ABCB5: variants seen among roughly 807,000 people sequenced by gnomAD.
ABCB5 encodes ATP-binding cassette sub-family B member 5.
ABCB5 carries 155 observed loss-of-function variants against 144.2 expected under a neutral mutation model. That is an observed-to-expected ratio of 1.08 (90% confidence interval 0.94 to 1.23). ABCB5 has a LOEUF of 1.23. Ranked by LOEUF, ABCB5 falls within the 50% of genes most tolerant of loss-of-function variation. The pLI, the probability that ABCB5 is intolerant of heterozygous loss-of-function variation, is 0.00. For missense variants in ABCB5, 1,830 were observed against 1,520.8 expected, an observed-to-expected ratio of 1.20 and a Z score of -3.38; for synonymous variants, 610 against 528.6, an observed-to-expected ratio of 1.15 and a Z score of -2.11.
At chr7:20,721,729 A>C (rs1258590512) in intron 20 of ABCB5, among the ~76,000 whole-genome samples, 1 of 152,256 alleles carries the variant, frequency 6.6e-6, no homozygotes, top group Non-Finnish European at 1.5e-5. Flanking sequence ...AAAATATACA[A>C]AAATCTCATT....
At chr7:20,653,155 G>A (rs867343324) in intron 13 of ABCB5, among the ~76,000 whole-genome samples, 1 of 152,162 alleles carries the variant, frequency 6.6e-6, no homozygotes, top group African/African-American at 2.4e-5. Flanking sequence ...GGAGCTTTCT[G>A]ATGCCTCTTA....
chr7:20,724,446 A>G (rs1355161558), intron 21 of ABCB5, among the ~76,000 whole-genome samples: 4 of 151,748 alleles, frequency 2.6e-5, no homozygotes, highest in African/African-American at 9.7e-5. Flanking sequence ...TGGCCAACAT[A>G]ATGAAACCCC....
At chr7:20,659,284 A>C in intron 14 of ABCB5, 1 of 1,462,348 alleles carries the variant, frequency 6.8e-7, no homozygotes, top group South Asian at 1.4e-5. Context: ...ATGAAAAACC[A>C]TTGAACAGTT....
At chr7:20,670,145 T>C (rs973712251) in intron 14 of ABCB5, among the ~76,000 whole-genome samples, 1 of 152,210 alleles carries the variant, frequency 6.6e-6, no homozygotes, top group Non-Finnish European at 1.5e-5. Flanking sequence ...GGCGACATGA[T>C]GACAAAATGT....
At chr7:20,716,837 C>T (rs1781688533) in intron 20 of ABCB5, among the ~76,000 whole-genome samples, 1 of 152,140 alleles carries the variant, frequency 6.6e-6, no homozygotes, top group East Asian at 1.9e-4. Flanking sequence ...GGGCTGAACC[C>T]TACAGCCTGT....
intron 14 of ABCB5, chr7:20,659,214 T>C: frequency 6.3e-7 from 1 of 1,594,682 alleles, no homozygotes; most frequent in Non-Finnish European, 8.5e-7. Context: ...CAAGGCCATA[T>C]GCAGTTGTGG....
chr7:20,728,925 T>C (rs1055034169), intron 23 of ABCB5, among the ~76,000 whole-genome samples: 1 of 152,202 alleles, frequency 6.6e-6, no homozygotes, highest in African/African-American at 2.4e-5. Flanking sequence ...AATATACACA[T>C]ATTTTTAAAT....
chr7:20,635,400 T>G (rs1481247265), intron 5 of ABCB5, among the ~76,000 whole-genome samples: 5 of 144,958 alleles, frequency 3.4e-5, no homozygotes, highest in African/African-American at 1.3e-4. Flanking sequence ...TTTTTTTTTT[T>G]GGTTGCATAT....
chr7:20,643,123 ATG>A, intron 5 of ABCB5, 59 bp from the exon 6 acceptor site: 1 of 1,397,064 alleles, frequency 7.2e-7, no homozygotes, highest in Non-Finnish European at 9.8e-7. Context: ...TCGATTTTTT[ATG>A]TGTGTAACAA....
intron 26 of ABCB5, among the ~76,000 whole-genome samples, chr7:20,752,754 G>A (rs2128057987): frequency 6.6e-6 from 1 of 152,298 alleles, no homozygotes; most frequent in African/African-American, 2.4e-5. Flanking sequence ...GGCTGAGGCA[G>A]AGAATCGCTT....
rs1488100582 is a variant in ABCB5, at chr7:20,628,558, T to C, written c.109-130T>C. 9 of 848,386 alleles carry C rather than the reference T, an allele frequency of 1.1e-5. No individual in the cohort carries two copies. The Admixed American group carries it at 1.5e-4, about 14-fold the overall frequency. 52.6% of individuals were successfully genotyped at this position (848,386 alleles called of 1,614,324 possible). ...ACATATCTATGATTTTATGCACTTA[T>C]TTACCATCTTAATGTATAAAGTCAT... On this transcript the variant is annotated intron_variant, in intron 3 of 27. Coordinates refer to ENST00000404938, the MANE Select transcript of ABCB5 (RefSeq NM_001163941.2).
intron 14 of ABCB5, chr7:20,666,778 A>T: frequency 1.3e-6 from 2 of 1,597,130 alleles, no homozygotes; most frequent in Non-Finnish European, 1.7e-6. Context: ...TACAACAAAG[A>T]CGTATTGATA....
At chr7:20,749,435 A>C (rs1583469376) in intron 26 of ABCB5, among the ~76,000 whole-genome samples, 1 of 89,438 alleles carries the variant, frequency 1.1e-5, no homozygotes, top group Non-Finnish European at 2.1e-5. Context: ...ATGGGGTTTC[A>C]CCATGTTGCC....
Position 20,756,251 on chromosome 7 carries a change from C to T in ABCB5, c.*627C>T, listed in dbSNP as rs1783083667. On this transcript the variant is annotated 3_prime_UTR_variant, in exon 28 of 28. Transcript: ENST00000404938. ...TACTTCACCAGTAAGTGAAGTGCCT[C>T]ACATGAGCCATCCCAAAGATTCATT... 1 of 152,388 alleles carries T rather than the reference C, an allele frequency of 6.6e-6. No homozygotes were observed. The highest frequency in any genetic ancestry group is 2.4e-5 in the African/African-American group (1 of 41,440). The allele number at this position is 152,388 out of a possible 1,614,324, so 9.4% of individuals were successfully genotyped here. A position where few individuals can be genotyped will look rare whatever the true frequency, so the allele number is the denominator to read the frequency against.
At chr7:20,673,385 C>G (rs760742574) in intron 14 of ABCB5, among the ~76,000 whole-genome samples, 1 of 151,974 alleles carries the variant, frequency 6.6e-6, no homozygotes, top group Non-Finnish European at 1.5e-5. Context: ...ATTACTGTAA[C>G]TTTTAGATTT....
chr7:20,748,341 A>C (rs1782795079), intron 26 of ABCB5, among the ~76,000 whole-genome samples: 1 of 146,710 alleles, frequency 6.8e-6, no homozygotes, highest in African/African-American at 2.6e-5. Context: ...AATTTGTTGT[A>C]CTTCCTTCAG....
At chr7:20,678,896 C>T (rs141772162) in intron 14 of ABCB5, among the ~76,000 whole-genome samples, 44 of 152,222 alleles carry the variant, frequency 2.9e-4, no homozygotes, top group African/African-American at 9.4e-4. Flanking sequence ...CTTCAAAATA[C>T]GCTGCCGGGA....
intron 16 of ABCB5, among the ~76,000 whole-genome samples, chr7:20,694,641 T>C (rs1022433726): frequency 1.3e-5 from 2 of 152,006 alleles, no homozygotes; most frequent in African/African-American, 4.8e-5. Context: ...AAGGAACATG[T>C]AGGAGTGTCT....
Position 20,681,533 on chromosome 7 carries a change from T to C in ABCB5, c.1736T>C (p.Val579Ala), listed in dbSNP as rs1367020258. The C allele has an allele frequency of 3.1e-6, 5 of 1,614,116 alleles. No homozygotes were observed. The highest frequency in any genetic ancestry group is 1.3e-5 in the African/African-American group (1 of 74,942). The stretch of plus-strand genomic sequence containing the variant: ...AGCAAAGGTCGGACTACAATCGTGG[T>C]AGCACACCGACTTTCTACTATTCGA... ...KASKGRTTIV[V>A]AHRLSTIRSA... The change falls in exon 15 of 28, where the codon GTA (valine) becomes GCA (alanine). Residue 579 changes from valine to alanine, a missense_variant. By Grantham distance (64) the Val-to-Ala change is moderately conservative. Coordinates refer to ENST00000404938, the MANE Select transcript of ABCB5 (RefSeq NM_001163941.2).
Sources: allele counts gnomAD v4.1 joint callset (sites outside exome capture counted in the v4.1 genomes callset), GRCh38; gene constraint gnomAD v4.1.1; transcripts MANE v1.5; gene names NCBI Gene and HGNC (gene_info 2026-07-23, HGNC 2026-07-21).